Variants in HPR observed in about 807,000 individuals in gnomAD.
HPR encodes the protein haptoglobin-related protein.
Under a neutral mutation model 18.5 loss-of-function variants are expected in HPR, and 17 were observed. The ratio of observed to expected loss-of-function variants is 0.92; its 90% CI spans 0.63 to 1.38. HPR has a LOEUF of 1.38. Ranked by LOEUF, HPR falls within the 40% of genes most tolerant of loss-of-function variation. HPR has a pLI of 0.00. For synonymous variants in HPR, 176 were observed against 165.0 expected (o/e 1.07, Z -0.51); for missense variants, 457 against 432.4 (o/e 1.06, Z -0.51).
intron 1 of HPR, 147 bp from the exon 2 acceptor site, chr16:72,073,745 T>G (rs767601149): frequency 1.9e-6 from 3 of 1,569,484 alleles, no homozygotes; most frequent in African/African-American, 2.7e-5. Flanking sequence ...GATTTTCTTT[T>G]CTGGCTGCTT....
intron 1 of HPR, among the ~76,000 whole-genome samples, chr16:72,063,822 A>C (rs1452380655): frequency 6.6e-6 from 1 of 151,718 alleles, no homozygotes; most frequent in Non-Finnish European, 1.5e-5. Context: ...AGCTCATCGC[A>C]ACCTCCCCCT....
intron 1 of HPR, 36 bp downstream of exon 1, chr16:72,063,296 GTTCT>G: frequency 1.3e-6 from 2 of 1,565,670 alleles, no homozygotes; most frequent in African/African-American, 1.4e-5. Flanking sequence ...CTTTCCTCTG[GTTCT>G]TTATTTCAGT....
intron 1 of HPR, among the ~76,000 whole-genome samples, chr16:72,064,880 T>A (rs1162069528): frequency 6.6e-6 from 1 of 152,108 alleles, no homozygotes; most frequent in Non-Finnish European, 1.5e-5. Context: ...AGTGGCCTCA[T>A]GAGTAAGGAA....
At chr16:72,066,275 A>C (rs192689760) in intron 1 of HPR, among the ~76,000 whole-genome samples, 8 of 152,316 alleles carry the variant, frequency 5.3e-5, no homozygotes, top group African/African-American at 1.7e-4. Flanking sequence ...TGGCAGATCA[A>C]GTTGATCAAT....
At chr16:72,066,647 A>G (rs151006419) in intron 1 of HPR, among the ~76,000 whole-genome samples, 1 of 152,346 alleles carries the variant, frequency 6.6e-6, no homozygotes, top group Non-Finnish European at 1.5e-5. Context: ...ATGAAGCAAT[A>G]TACAGGTCTG....
At chr16:72,069,028 C>T (rs2041627263) in intron 1 of HPR, among the ~76,000 whole-genome samples, 1 of 152,126 alleles carries the variant, frequency 6.6e-6, no homozygotes, top group South Asian at 2.1e-4. Context: ...CAACGGGTAT[C>T]CAGTAATCGA....
At chr16:72,075,339 G>A (rs2041706969) in intron 4 of HPR, 120 bp downstream of exon 4, 7 of 689,560 alleles carry the variant, frequency 1.0e-5, no homozygotes, top group Non-Finnish European at 1.8e-5. Flanking sequence ...GGAGGGATGT[G>A]GGAGAACCGC....
Position 72,073,789 on chromosome 16 carries a change from T to C in HPR, c.6-103T>C, listed in dbSNP as rs2041683008. On this transcript the variant is annotated intron_variant, in intron 1 of 4. Transcript: ENST00000540303. ...GAGTGTGTGTGTATGCATGTGTGTG[T>C]GTGCGTGTGTGTGTGTGTGTACATG... is the stretch of plus-strand genomic sequence containing the variant. The C allele has an allele frequency of 1.9e-6, 3 of 1,598,240 alleles. No homozygotes were observed. In the South Asian group the frequency reaches 3.3e-5, roughly 18 times the overall value.
At chr16:72,071,160 C>A (rs1249893754) in intron 1 of HPR, among the ~76,000 whole-genome samples, 1 of 152,284 alleles carries the variant, frequency 6.6e-6, no homozygotes, top group Non-Finnish European at 1.5e-5. Context: ...GAATCTAACA[C>A]TCTCTCCAAG....
chr16:72,074,822 A>C, intron 3 of HPR: 1 of 648,070 alleles, frequency 1.5e-6, no homozygotes, highest in Admixed American at 2.6e-5. Context: ...AAACAGAGGC[A>C]CCGACAGGTT....
intron 1 of HPR, 31 bp from the exon 2 acceptor site, chr16:72,073,861 C>A (rs1389713032): frequency 5.6e-6 from 9 of 1,613,474 alleles, no homozygotes; most frequent in Admixed American, 1.7e-5. Context: ...GGGAGACCAG[C>A]TTTCCGCTCC....
At chr16:72,068,142 G>A (rs74794641) in intron 1 of HPR, among the ~76,000 whole-genome samples, 3,590 of 152,110 alleles carry the variant, frequency 0.024, 65 homozygotes, top group East Asian at 0.048. Context: ...TCAATATGTC[G>A]ATGATATTCT....
chr16:72,068,328 G>A (rs889892636), intron 1 of HPR, among the ~76,000 whole-genome samples: 4 of 152,082 alleles, frequency 2.6e-5, no homozygotes, highest in Admixed American at 2.6e-4. Flanking sequence ...TGAATGGGTC[G>A]AAGGAATCGT....
chr16:72,070,840 G>C (rs950697599), intron 1 of HPR, among the ~76,000 whole-genome samples: 1 of 152,136 alleles, frequency 6.6e-6, no homozygotes, highest in Non-Finnish European at 1.5e-5. Context: ...GTGGTGACTG[G>C]ACAGATGTTT....
chr16:72,067,554 G>C (rs1185664076), intron 1 of HPR, among the ~76,000 whole-genome samples: 1 of 152,156 alleles, frequency 6.6e-6, no homozygotes, highest in Non-Finnish European at 1.5e-5. Flanking sequence ...CGGCGGATGA[G>C]AAATACATTC....
chr16:72,076,216 G>C, intron 4 of HPR, 87 bp from the exon 5 acceptor site: 1 of 1,585,632 alleles, frequency 6.3e-7, no homozygotes, highest in South Asian at 1.1e-5. Context: ...TTATGCAGCA[G>C]TGACAGCCGC....
intron 4 of HPR, among the ~76,000 whole-genome samples, chr16:72,075,598 G>A (rs1215787014): frequency 2.6e-5 from 4 of 152,150 alleles, no homozygotes; most frequent in Non-Finnish European, 5.9e-5. Context: ...GCTGGACATG[G>A]GCTGGAACTC....
chr16:72,074,831 T>C, intron 3 of HPR: 2 of 645,970 alleles, frequency 3.1e-6, no homozygotes, highest in Non-Finnish European at 5.6e-6. Flanking sequence ...CACCGACAGG[T>C]TGAGTATCTT....
At chr16:72,070,264 C>T (rs1440851324) in intron 1 of HPR, among the ~76,000 whole-genome samples, 22 of 152,208 alleles carry the variant, frequency 1.4e-4, no homozygotes, top group Admixed American at 1.3e-3. Context: ...AACATTCCTA[C>T]ATTCAAAATA....
Sources: gnomAD v4.1 joint callset for allele counts (sites outside exome capture counted in the v4.1 genomes callset) on GRCh38, gnomAD v4.1.1 for gene constraint, MANE v1.5 for transcripts, NCBI Gene and HGNC (gene_info 2026-07-23, HGNC 2026-07-21) for gene names.